Variants in AP3B1 observed in about 807,000 individuals in gnomAD.
AP3B1 encodes AP-3 complex subunit beta-1.
Under a neutral mutation model 132.5 loss-of-function variants are expected in AP3B1, and 61 were observed. The observed-to-expected ratio is 0.46, with a 90% CI of 0.37 to 0.57. AP3B1 has a LOEUF of 0.57. AP3B1 is among the 20% of genes least tolerant of loss of function. AP3B1 has a pLI of 0.00. For synonymous variants in AP3B1, 388 were observed against 438.3 expected, an observed-to-expected ratio of 0.89 and a Z score of 1.43; for missense variants, 1,120 against 1,289.4, an observed-to-expected ratio of 0.87 and a Z score of 2.01.
chr5:78,205,510 T>A (rs1347680838), intron 7 of AP3B1, among the ~76,000 whole-genome samples: 1 of 151,846 alleles, frequency 6.6e-6, no homozygotes, highest in East Asian at 1.9e-4. Context: ...GGCCCCTAAA[T>A]AAATTAACAG....
At position 78,193,762 on chromosome 5, in the gene AP3B1, ATATATATAT is replaced by A. The variant is rs1561469560; in HGVS notation, c.787-12109_787-12101del. On this transcript the variant is annotated intron_variant, in intron 7 of 26. Coordinates refer to ENST00000255194, the MANE Select transcript of AP3B1 (RefSeq NM_003664.5). ...TATTTTTTTATATATATATATATAT[ATATATATAT>A]TTTTTTTTTAGACAGAGTCTCGCTC... is the stretch of plus-strand genomic sequence containing the variant. Among the ~76,000 whole-genome samples, 9 of 107,896 alleles carry A rather than the reference ATATATATAT, an allele frequency of 8.3e-5. 1 individual carries two copies. Among genetic ancestry groups the A allele is most frequent in the African/African-American group, 3.1e-4 (9 of 29,018 alleles). The allele number at this position is 107,896 out of a possible 152,430, so 70.8% of individuals were successfully genotyped here.
intron 6 of AP3B1, among the ~76,000 whole-genome samples, chr5:78,223,154 G>C (rs4133339): frequency 0.55 from 83,366 of 151,040 alleles, 23,211 homozygotes; most frequent in Admixed American, 0.58. Context: ...ACAATGGTGC[G>C]TGGCCAGAGC....
intron 7 of AP3B1, among the ~76,000 whole-genome samples, chr5:78,202,552 AGTGTGTGTGTGTGTGTGTGTGTGT>A (rs36209977): frequency 2.7e-5 from 4 of 146,056 alleles, no homozygotes; most frequent in African/African-American, 1.0e-4. Flanking sequence ...CCATATATTC[AGTGTGTGTGTGTGTGTGTGTGTGT>A]GTGTGTGTGT....
intron 7 of AP3B1, among the ~76,000 whole-genome samples, chr5:78,208,335 T>C (rs1217778506): frequency 1.3e-5 from 2 of 152,132 alleles, no homozygotes; most frequent in African/African-American, 4.8e-5. Flanking sequence ...AACAGAAATA[T>C]CTAGTTAGGT....
intron 1 of AP3B1, among the ~76,000 whole-genome samples, chr5:78,286,992 A>G (rs1204878940): frequency 6.6e-6 from 1 of 152,206 alleles, no homozygotes; most frequent in Non-Finnish European, 1.5e-5. Flanking sequence ...TTTTGTCAGT[A>G]GTTCATTTAT....
intron 25 of AP3B1, 33 bp from the exon 26 acceptor site, chr5:78,015,581 A>C (rs765408464): frequency 1.2e-6 from 2 of 1,609,722 alleles, no homozygotes; most frequent in South Asian, 2.2e-5. Flanking sequence ...CCTTTTATTA[A>C]TTTCTTTTTG....
chr5:78,161,237 T>C (rs1743375582), intron 13 of AP3B1, among the ~76,000 whole-genome samples: 1 of 151,790 alleles, frequency 6.6e-6, no homozygotes, highest in African/African-American at 2.4e-5. Flanking sequence ...GAAGCAGAAA[T>C]AACTGCTTTA....
chr5:78,177,370 T>C lies in AP3B1; in HGVS notation c.1009A>G (p.Lys337Glu). The C allele has an allele frequency of 1.2e-6, 2 of 1,613,982 alleles. No homozygotes were observed. Among genetic ancestry groups the C allele is most frequent in the Non-Finnish European group, 1.7e-6 (2 of 1,179,874 alleles). The part of the protein sequence containing the change: ...SPKSEAGIIS[K>E]SLVRLLRSNR... ...CTACGAAGTAAACGCACTAGTGATT[T>C]AGAAATTATGCCAGCTTCAGATTTT... is the stretch of plus-strand genomic sequence containing the variant. Residue 337 changes from lysine (K) to glutamate (E), a missense_variant, in exon 9 of 27, where the codon AAA (lysine) becomes GAA (glutamate). Around this residue, in one of 3 missense-constraint regions of AP3B1, gnomAD observed 906 missense variants for 997.1 expected, o/e 0.91. Coordinates refer to ENST00000255194, the MANE Select transcript of AP3B1 (RefSeq NM_003664.5).
At chr5:78,236,354 AAG>A (rs869299630) in intron 3 of AP3B1, among the ~76,000 whole-genome samples, 265 of 131,662 alleles carry the variant, frequency 2.0e-3, no homozygotes, top group African/African-American at 7.2e-3. Context: ...TAAAACATAA[AAG>A]AAAAAAAATA....
intron 17 of AP3B1, among the ~76,000 whole-genome samples, chr5:78,123,410 A>G (rs1752316203): frequency 6.6e-6 from 1 of 152,204 alleles, no homozygotes; most frequent in Non-Finnish European, 1.5e-5. Flanking sequence ...GTGAACAGGC[A>G]ATCTACAGAA....
intron 22 of AP3B1, among the ~76,000 whole-genome samples, chr5:78,064,225 A>AG (rs1158319289): frequency 7.7e-6 from 1 of 129,826 alleles, no homozygotes. Flanking sequence ...TAATATGCTT[A>AG]GATATACAGT....
At chr5:78,086,647 G>C (rs748462754) in intron 22 of AP3B1, among the ~76,000 whole-genome samples, 1 of 152,146 alleles carries the variant, frequency 6.6e-6, no homozygotes, top group Non-Finnish European at 1.5e-5. Flanking sequence ...GTGAAGGCCA[G>C]GAATGCTAGA....
intron 6 of AP3B1, among the ~76,000 whole-genome samples, chr5:78,216,537 G>T (rs142970204): frequency 6.6e-6 from 1 of 152,114 alleles, no homozygotes; most frequent in East Asian, 1.9e-4. Context: ...CATTAATCAC[G>T]CACATTTTTC....
chr5:78,173,853 C>T (rs569123370), intron 11 of AP3B1, among the ~76,000 whole-genome samples: 4 of 152,252 alleles, frequency 2.6e-5, no homozygotes, highest in Non-Finnish European at 5.9e-5. Flanking sequence ...TTCCCACAGT[C>T]TGTTATTTCT....
At chr5:78,082,646 C>A (rs1361155297) in intron 22 of AP3B1, among the ~76,000 whole-genome samples, 1 of 152,168 alleles carries the variant, frequency 6.6e-6, no homozygotes, top group East Asian at 1.9e-4. Context: ...GCTCCAGATT[C>A]AATGCATTTC....
At chr5:78,120,140 TGA>T (rs1190776649) in intron 17 of AP3B1, among the ~76,000 whole-genome samples, 3 of 152,100 alleles carry the variant, frequency 2.0e-5, no homozygotes, top group Admixed American at 6.5e-5. Flanking sequence ...AAGCAAATGC[TGA>T]GAGAGTTTTG....
chr5:78,114,440 T>G (rs1751734289), intron 18 of AP3B1, among the ~76,000 whole-genome samples: 1 of 152,128 alleles, frequency 6.6e-6, no homozygotes, highest in Admixed American at 6.5e-5. Flanking sequence ...AATGACTAAT[T>G]AAAGAGTTAT....
intron 22 of AP3B1, among the ~76,000 whole-genome samples, chr5:78,078,962 T>G (rs542910883): frequency 1.2e-4 from 19 of 152,368 alleles, no homozygotes; most frequent in Admixed American, 1.1e-3. Flanking sequence ...TTACCTGCCT[T>G]ACAGATTTCA....
intron 22 of AP3B1, among the ~76,000 whole-genome samples, chr5:78,081,124 T>C (rs1190854400): frequency 1.3e-5 from 2 of 152,114 alleles, no homozygotes; most frequent in East Asian, 1.9e-4. Context: ...AATTCCCTAG[T>C]CTTAAAGAAG....
Sources: gnomAD v4.1 joint callset for allele counts (sites outside exome capture counted in the v4.1 genomes callset) on GRCh38, gnomAD v4.1.1 for gene constraint, gnomAD v4.1.1 regional missense constraint, MANE v1.5 for transcripts, NCBI Gene and HGNC (gene_info 2026-07-23, HGNC 2026-07-21) for gene names.